Variants in PIGG observed in about 807,000 individuals in gnomAD.
PIGG encodes GPI ethanolamine phosphate transferase 2, catalytic subunit.
Under a neutral mutation model 83.2 loss-of-function variants are expected in PIGG, and 70 were observed. The ratio of observed to expected loss-of-function variants is 0.84; its 90% CI spans 0.69 to 1.03. The LOEUF is 1.03. PIGG is among the 50% of genes least tolerant of loss of function. The pLI, the probability that PIGG is intolerant of heterozygous loss-of-function variation, is 0.00. For synonymous variants in PIGG, 532 were observed against 519.5 expected (o/e 1.02, Z -0.33); for missense variants, 1,257 against 1,233.6 (o/e 1.02, Z -0.28).
chr4:514,868 C>T (rs1406531058), intron 5 of PIGG, among the ~76,000 whole-genome samples: 1 of 152,108 alleles, frequency 6.6e-6, no homozygotes, highest in Non-Finnish European at 1.5e-5. Context: ...GTATGAGGGT[C>T]AAAAGCAATT....
rs755900144 is a variant in PIGG at position 516,028 on chromosome 4, G to A, written c.957G>A (p.Ala319=). The part of the protein sequence containing the change: ...VQQTDVAATL[A]IALGLPIPKD... ...AGACGGATGTGGCTGCGACACTGGC[G>A]ATAGCACTTGGCTTACCGATTCCAA... The change falls in exon 6 of 13, where the codon GCG becomes GCA. Residue 319 remains alanine (A), a synonymous_variant. Transcript: ENST00000453061. The A allele has an allele frequency of 3.7e-5, 59 of 1,614,096 alleles. No homozygotes were observed. Among genetic ancestry groups the A allele is most frequent in the Non-Finnish European group, 4.4e-5 (52 of 1,180,028 alleles).
Position 499,273 on chromosome 4 carries a change from G to C in PIGG, c.-63G>C. 6.4e-7 allele frequency: 1 copy of C among 1,557,420 alleles called. No individual in the cohort carries two copies. Among genetic ancestry groups the C allele is most frequent in the East Asian group, 2.3e-5 (1 of 43,200 alleles). On this transcript the variant is annotated 5_prime_UTR_variant, in exon 1 of 13. Coordinates refer to ENST00000453061, the MANE Select transcript of PIGG (RefSeq NM_001127178.3). ...GAGGCGGCTACCTGGAGCCGGAAGC[G>C]CGGCTGCAGCAGGGCGAGGCTCCAG... is the stretch of plus-strand genomic sequence containing the variant.
chr4:503,523 C>G (rs79167028), intron 2 of PIGG, among the ~76,000 whole-genome samples: 2,215 of 152,268 alleles, frequency 0.015, 162 homozygotes, highest in Admixed American at 0.11. Flanking sequence ...TGCCTGGAGC[C>G]TTTGCAGTTT....
chr4:539,550 C>G lies in PIGG; in HGVS notation c.*181C>G, dbSNP rs1731573120. 1.7e-6 allele frequency: 1 copy of G among 585,104 alleles called. No individual in the cohort carries two copies. The highest frequency in any genetic ancestry group is 1.9e-5 in the African/African-American group (1 of 53,560). 36.2% of individuals were successfully genotyped at this position (585,104 alleles called of 1,614,324 possible). ...ATATACAGTTTGTATCATATTTTCC[C>G]CCATTGACAATCACTCTAGAAGCTT... On this transcript the variant is annotated 3_prime_UTR_variant, in exon 13 of 13. Coordinates refer to ENST00000453061, the MANE Select transcript of PIGG (RefSeq NM_001127178.3).
chr4:506,883 A>C (rs1396493472), intron 3 of PIGG: 1 of 423,940 alleles, frequency 2.4e-6, no homozygotes, highest in Non-Finnish European at 4.9e-6. Flanking sequence ...TCCTGTCTTT[A>C]ATTAACTGCC....
chr4:505,874 C>T lies in PIGG; in HGVS notation c.517C>T (p.His173Tyr), dbSNP rs781844409. 2 of 1,613,054 alleles carry T rather than the reference C, an allele frequency of 1.2e-6. No homozygotes were observed. Among genetic ancestry groups the T allele is most frequent in the Non-Finnish European group, 8.5e-7 (1 of 1,179,776 alleles). The change falls in exon 3 of 13, where the codon CAT becomes TAT. Residue 173 changes from histidine (H) to tyrosine (Y), a missense_variant. Coordinates refer to ENST00000453061, the MANE Select transcript of PIGG (RefSeq NM_001127178.3). ...AACCTGGGTTAAATTATTCCCAAAG[C>T]ATTTTGTGGAATATGATGGAACAAC... ...DETWVKLFPKHFVEYDGTTSF... is the reference protein window; with the variant it reads ...DETWVKLFPKYFVEYDGTTSF...
chr4:537,274 C>A (rs1316110448), intron 12 of PIGG: 1 of 152,166 alleles, frequency 6.6e-6, no homozygotes, highest in Admixed American at 6.5e-5. Context: ...ACCCTCTGTT[C>A]CAGGGGCTGG....
rs749527856 is a variant in PIGG, at chr4:521,207, C to T, written c.1266C>T (p.Ser422=). The T allele has an allele frequency of 1.2e-6, 2 of 1,614,120 alleles. No homozygotes were observed. The highest frequency in any genetic ancestry group is 3.3e-5 in the Admixed American group (2 of 60,012). Residue 422 remains serine (S), a synonymous_variant, in exon 7 of 13, where the codon TCC becomes TCT. Transcript: ENST00000453061. The part of the protein sequence containing the change: ...YLDALKTLSL[S]LSAQVAQYDI... ...ATGCTCTGAAGACGCTGAGCTTGTCCCTGAGTGCACAAGTGGCCCAGTACG... is the reference window on the plus strand; with the variant it reads ...ATGCTCTGAAGACGCTGAGCTTGTCTCTGAGTGCACAAGTGGCCCAGTACG...
chr4:512,100 A>G (rs1167078851), intron 5 of PIGG, among the ~76,000 whole-genome samples: 1 of 152,026 alleles, frequency 6.6e-6, no homozygotes, highest in African/African-American at 2.4e-5. Context: ...GAAAATTTTC[A>G]GTTGTTTAAA....
Position 514,123 on chromosome 4 carries a change from A to G in PIGG, c.902-1850A>G, listed in dbSNP as rs115911757. ...GAACGGTAGTCACAGTCGTATAATA[A>G]ACCCCCAAGTCCAGCTTCACCAGTT... On this transcript the variant is annotated intron_variant, in intron 5 of 12. Coordinates refer to ENST00000453061, the MANE Select transcript of PIGG (RefSeq NM_001127178.3). Among the ~76,000 whole-genome samples the G allele has an allele frequency of 5.9e-3, 902 of 152,328 alleles. 4 individuals are homozygous for G. The highest frequency in any genetic ancestry group is 0.01 in the Middle Eastern group (3 of 294).
At chr4:518,293 T>TA (rs1315996289) in intron 6 of PIGG, among the ~76,000 whole-genome samples, 1 of 152,210 alleles carries the variant, frequency 6.6e-6, no homozygotes, top group Non-Finnish European at 1.5e-5. Context: ...CTAAGAGTGA[T>TA]AAAAACACCA....
intron 8 of PIGG, chr4:522,374 C>G (rs1266939172): frequency 3.4e-6 from 1 of 294,408 alleles, no homozygotes; most frequent in Non-Finnish European, 6.4e-6. Context: ...TCGCACCACT[C>G]ATCCTGCCAC....
rs746001500 is a variant in PIGG at position 539,844 on chromosome 4, A to G, written c.*475A>G. On this transcript the variant is annotated 3_prime_UTR_variant, in exon 13 of 13. Coordinates refer to ENST00000453061, the MANE Select transcript of PIGG (RefSeq NM_001127178.3). Reference sequence around the variant, plus strand: ...AAAAGTATTCATTTATAAGGAATCTATTGCATATTAATGAAACACTTGAAG... The same window carrying G: ...AAAAGTATTCATTTATAAGGAATCTGTTGCATATTAATGAAACACTTGAAG... 4 of 152,920 alleles carry G rather than the reference A, an allele frequency of 2.6e-5. No individual in the cohort carries two copies. Among genetic ancestry groups the G allele is most frequent in the Non-Finnish European group, 5.8e-5 (4 of 68,568 alleles). The allele number at this position is 152,920 out of a possible 1,614,324, so 9.5% of individuals were successfully genotyped here.
intron 11 of PIGG, 173 bp from the exon 12 acceptor site, chr4:533,645 C>G: frequency 3.2e-6 from 2 of 630,438 alleles, no homozygotes; most frequent in Middle Eastern, 3.8e-4. Context: ...AAGGCCAGCT[C>G]GGCAGTCTGA....
At chr4:524,710 G>C (rs564927378) in intron 9 of PIGG, 2 of 151,644 alleles carry the variant, frequency 1.3e-5, no homozygotes, top group Admixed American at 1.3e-4. Flanking sequence ...GTTTCACTCT[G>C]TCACCCATGC....
In PIGG at chr4:521,933, C is replaced by A; in HGVS notation, c.1606C>A (p.Pro536Thr). 1 of 1,614,126 alleles carries A rather than the reference C, an allele frequency of 6.2e-7. No homozygotes were observed. The highest frequency in any genetic ancestry group is 8.5e-7 in the Non-Finnish European group (1 of 1,180,012). ...CAACGTGCTCGTGGGTGGAAACACC[C>A]CAAGGAAGGTACGTACGGCTGGTTC... ...LTNVLVGGNTPRKNPMHPSSR... is the reference protein window; with the variant it reads ...LTNVLVGGNTTRKNPMHPSSR... Residue 536 changes from proline to threonine, a missense_variant, in exon 8 of 13, where the codon CCA becomes ACA. Transcript: ENST00000453061.
At chr4:520,922 C>G (rs541572220) in intron 6 of PIGG, 134 bp from the exon 7 acceptor site, 1 of 662,994 alleles carries the variant, frequency 1.5e-6, no homozygotes, top group African/African-American at 1.8e-5. Context: ...AATGATTGAT[C>G]TTCATTAAGC....
At chr4:512,800 T>A (rs527937734) in intron 5 of PIGG, among the ~76,000 whole-genome samples, 1 of 151,900 alleles carries the variant, frequency 6.6e-6, no homozygotes, top group Admixed American at 6.5e-5. Context: ...GGCGACGGAG[T>A]GAGACTCCAT....
intron 5 of PIGG, among the ~76,000 whole-genome samples, chr4:513,530 G>A (rs1194198198): frequency 6.6e-6 from 1 of 152,206 alleles, no homozygotes; most frequent in African/African-American, 2.4e-5. Flanking sequence ...ACAGAGGGCA[G>A]AGCAGGTCTG....
Sources: allele counts gnomAD v4.1 joint callset (sites outside exome capture counted in the v4.1 genomes callset), GRCh38; gene constraint gnomAD v4.1.1; transcripts MANE v1.5; gene names NCBI Gene and HGNC (gene_info 2026-07-23, HGNC 2026-07-21).